The following ASPG variants were observed in gnomAD, a reference collection of about 807,000 sequenced individuals.
ASPG encodes the protein asparaginase, also known as 60 kDa lysophospholipase.
ASPG carries 53 observed loss-of-function variants against 63.2 expected under a neutral mutation model. That is an observed-to-expected ratio of 0.84 (90% CI 0.67 to 1.05). The LOEUF (loss-of-function observed/expected upper bound fraction) is 1.05, where lower values mean the gene tolerates loss of function less well. Ranked by LOEUF, ASPG falls within the 50% of genes least tolerant of loss-of-function variation. The pLI, the probability that ASPG is intolerant of heterozygous loss-of-function variation, is 0.00. For synonymous variants in ASPG, 370 were observed against 355.0 expected (o/e 1.04, Z -0.48); for missense variants, 741 against 794.4 (o/e 0.93, Z 0.81).
At position 104,106,867 on chromosome 14, in the gene ASPG, G is replaced by A. The variant is rs2037152228; in HGVS notation, c.1242G>A (p.Val414=). ...GTGCTGCTGCCCACGCCGGTGACGT[G>A]GAGGCGCTGCAGGCGCTTGTGGAGC... ...LACAAAHAGD[V]EALQALVELG... Residue 414 remains valine, a synonymous_variant, in exon 11 of 16, where the codon GTG becomes GTA. Transcript: ENST00000551177. The A allele has an allele frequency of 3.8e-6, 6 of 1,592,718 alleles. No homozygotes were observed. Among genetic ancestry groups the A allele is most frequent in the Non-Finnish European group, 5.1e-6 (6 of 1,171,950 alleles).
chr14:104,109,928 G>C lies in ASPG; in HGVS notation c.1520+613G>C. Reference sequence around the variant, plus strand: ...TCTGACATCATGTTGTTGTTGGGGAGACTGAGGCGCAGGGAGGCCTTCGGC... The same window carrying C: ...TCTGACATCATGTTGTTGTTGGGGACACTGAGGCGCAGGGAGGCCTTCGGC... On this transcript the variant is annotated intron_variant, in intron 13 of 15. Transcript: ENST00000551177. The surrounding 1 kb of genome is among the most constrained non-coding windows in gnomAD (Gnocchi z 4.8). 3 of 983,754 alleles carry C rather than the reference G, an allele frequency of 3.0e-6. No individual in the cohort carries two copies. Among genetic ancestry groups the C allele is most frequent in the Non-Finnish European group, 3.6e-6 (3 of 828,494 alleles). 60.9% of individuals were successfully genotyped at this position (983,754 alleles called of 1,614,324 possible). A position where few individuals can be genotyped will look rare whatever the true frequency, so the allele number is the denominator to read the frequency against.
intron 9 of ASPG, 127 bp downstream of exon 9, chr14:104,104,862 A>T: frequency 1.2e-6 from 1 of 807,122 alleles, no homozygotes. Context: ...CTGTTTGGGA[A>T]GGGGAGGGAT....
At chr14:104,095,847 C>T (rs1161749015) in intron 4 of ASPG, among the ~76,000 whole-genome samples, 191 bp downstream of exon 4, 1 of 152,100 alleles carries the variant, frequency 6.6e-6, no homozygotes, top group Non-Finnish European at 1.5e-5. Context: ...CACCACCTGC[C>T]CCGCAGGAGG....
chr14:104,103,742 C>T (rs779202215), intron 7 of ASPG, 67 bp downstream of exon 7: 65 of 1,383,078 alleles, frequency 4.7e-5, no homozygotes, highest in Non-Finnish European at 6.1e-5. Flanking sequence ...CTCCCACGGC[C>T]CTCAGGCTCC....
intron 6 of ASPG, 37 bp from the exon 7 acceptor site, chr14:104,103,526 G>A: frequency 1.3e-6 from 2 of 1,523,520 alleles, no homozygotes; most frequent in Non-Finnish European, 8.9e-7. Context: ...CTGGCAGGAG[G>A]CCTGAAGGCA....
At chr14:104,098,166 G>A (rs1035707090) in intron 5 of ASPG, among the ~76,000 whole-genome samples, 2 of 145,494 alleles carry the variant, frequency 1.4e-5, no homozygotes, top group African/African-American at 2.5e-5. Flanking sequence ...TTAGAGATAC[G>A]TATGGAGGTT....
In ASPG at chr14:104,110,031, C is replaced by T. The variant is rs1199046685; in HGVS notation, c.1520+716C>T. On this transcript the variant is annotated intron_variant, in intron 13 of 15. Coordinates refer to ENST00000551177, the MANE Select transcript of ASPG (RefSeq NM_001080464.3). The surrounding 1 kb of genome is among the most constrained non-coding windows in gnomAD (Gnocchi z 4.7). ...GTCCGCCACAGCCAGAATCGCTGCC[C>T]CCCACCCCATGCCTTGTGCCTGGTG... The T allele has an allele frequency of 2.0e-6, 2 of 985,270 alleles. No homozygotes were observed. Among genetic ancestry groups the T allele is most frequent in the African/African-American group, 3.5e-5 (2 of 57,226 alleles). 61.0% of individuals were successfully genotyped at this position (985,270 alleles called of 1,614,324 possible).
intron 14 of ASPG, 103 bp from the exon 15 acceptor site, chr14:104,111,817 G>C: frequency 1.7e-6 from 2 of 1,190,016 alleles, no homozygotes; most frequent in South Asian, 2.9e-5. Context: ...GGCCCTGTGT[G>C]TGTGGGCTGG....
At chr14:104,098,033 T>A (rs2052159026) in intron 5 of ASPG, among the ~76,000 whole-genome samples, 4 of 88,754 alleles carry the variant, frequency 4.5e-5, no homozygotes, top group African/African-American at 1.6e-4. Context: ...GCGTTAGAGA[T>A]GCGTATGGAG....
chr14:104,093,673 TGGTGTGTGGGTGGGGCTGTGGAGA>T (rs2036459877), intron 3 of ASPG, 71 bp downstream of exon 3: 3 of 871,282 alleles, frequency 3.4e-6, no homozygotes, highest in Admixed American at 3.0e-5. Flanking sequence ...GGTGGGGCTG[TGGTGTGTGGGTGGGGCTGTGGAGA>T]GTGGGCAGGG....
chr14:104,110,976 C>A lies in ASPG; in HGVS notation c.1521-526C>A. ...CAGTCTGCCGGGGTCCAGGGCCAAC[C>A]GTTATCCTGGGTTGCCTCCTGTGTC... On this transcript the variant is annotated intron_variant, in intron 13 of 15. Coordinates refer to ENST00000551177, the MANE Select transcript of ASPG (RefSeq NM_001080464.3). This position sits in a 1 kb window ranked among gnomAD's most constrained non-coding sequence, Gnocchi z 4.7. 2.0e-6 allele frequency: 2 copies of A among 985,400 alleles called. No individual in the cohort carries two copies. Among genetic ancestry groups the A allele is most frequent in the South Asian group, 9.4e-5 (2 of 21,278 alleles). 61.0% of individuals were successfully genotyped at this position (985,400 alleles called of 1,614,324 possible). A position where few individuals can be genotyped will look rare whatever the true frequency, so the allele number is the denominator to read the frequency against.
chr14:104,097,559 C>A lies in ASPG; in HGVS notation c.435C>A (p.Pro145=). 1 of 1,553,388 alleles carries A rather than the reference C, an allele frequency of 6.4e-7. No homozygotes were observed. The highest frequency in any genetic ancestry group is 8.7e-7 in the Non-Finnish European group (1 of 1,148,750). Residue 145 remains proline, a synonymous_variant, in exon 5 of 16, where the codon CCC becomes CCA. Transcript: ENST00000551177. ...KTVILTGAQV[P]IHALWSDGRE... ...CTCCGTGGCCTCTCCCCCAGGTGCC[C>A]ATCCATGCCCTGTGGAGCGACGGCC...
At chr14:104,093,778 CGGGGCTGTGGAGTGTGGGT>C (rs1169896970) in intron 3 of ASPG, among the ~76,000 whole-genome samples, 176 bp downstream of exon 3, 3 of 19,188 alleles carry the variant, frequency 1.6e-4, no homozygotes, top group East Asian at 1.2e-3. Context: ...GGAGTGTGGG[CGGGGCTGTGGAGTGTGGGT>C]GGGGCTGTGG....
At chr14:104,090,858 T>A (rs2036345454) in intron 1 of ASPG, among the ~76,000 whole-genome samples, 1 of 152,176 alleles carries the variant, frequency 6.6e-6, no homozygotes, top group South Asian at 2.1e-4. Context: ...GACATCTTTT[T>A]AATTTTTATG....
At position 104,085,727 on chromosome 14, in the gene ASPG, C is replaced by A; in HGVS notation, c.-44C>A. ...TCCCTGAGTCCCGCAGGCCCTGCGT[C>A]CCCGCTGCACACCCCCGTCCACTCC... On this transcript the variant is annotated 5_prime_UTR_variant, in exon 1 of 16. Transcript: ENST00000551177. 6.7e-7 allele frequency: 1 copy of A among 1,491,840 alleles called. No individual in the cohort carries two copies. The highest frequency in any genetic ancestry group is 1.3e-5 in the South Asian group (1 of 78,076). The allele number at this position is 1,491,840 out of a possible 1,614,324, so 92.4% of individuals were successfully genotyped here. A position where few individuals can be genotyped will look rare whatever the true frequency, so the allele number is the denominator to read the frequency against.
rs757088656 is a variant in ASPG at position 104,095,575 on chromosome 14, C to T, written c.348C>T (p.Thr116=). ...ACGGCTTTGTGGTCATCCACGGCAC[C>T]GACACCATGGCCTTTGCTGCCTCGA... ...QYHGFVVIHG[T]DTMAFAASML... is the part of the protein sequence containing the mutation. Residue 116 remains threonine (T), a synonymous_variant, in exon 4 of 16, where the codon ACC becomes ACT. Transcript: ENST00000551177. The T allele has an allele frequency of 2.4e-5, 38 of 1,613,142 alleles. No individual in the cohort carries two copies. Among genetic ancestry groups the T allele is most frequent in the South Asian group, 1.2e-4 (11 of 91,092 alleles).
intron 1 of ASPG, among the ~76,000 whole-genome samples, chr14:104,092,363 T>C (rs2036393957): frequency 6.6e-6 from 1 of 152,060 alleles, no homozygotes; most frequent in African/African-American, 2.4e-5. Context: ...GTGGAGCAGC[T>C]AGAGACCTGG....
intron 4 of ASPG, among the ~76,000 whole-genome samples, chr14:104,096,016 G>A (rs1005384025): frequency 3.1e-4 from 47 of 152,180 alleles, no homozygotes; most frequent in African/African-American, 8.2e-4. Flanking sequence ...CAGGGTGGCC[G>A]CGCACAGAGC....
In ASPG at chr14:104,111,538, G is replaced by A. The variant is rs1288497504; in HGVS notation, c.1557G>A (p.Val519=). ...AYRADLEGLQ[V]WWQAGADLGQ... is the part of the protein sequence containing the mutation. ...GGGCCGACCTCGAAGGCCTGCAGGTGTGGTGGCAGGCAGGGGCTGACCTGG... is the reference window on the plus strand; with the variant it reads ...GGGCCGACCTCGAAGGCCTGCAGGTATGGTGGCAGGCAGGGGCTGACCTGG... The change falls in exon 14 of 16, where the codon GTG becomes GTA. Residue 519 remains valine, a synonymous_variant. Transcript: ENST00000551177. The A allele has an allele frequency of 3.9e-6, 6 of 1,551,842 alleles. No homozygotes were observed. The highest frequency in any genetic ancestry group is 2.4e-5 in the East Asian group (1 of 41,060).
Sources: allele counts gnomAD v4.1 joint callset (sites outside exome capture counted in the v4.1 genomes callset), GRCh38; gene constraint gnomAD v4.1.1; non-coding constraint Gnocchi (gnomAD v3.1); transcripts MANE v1.5; gene names NCBI Gene and HGNC (gene_info 2026-07-23, HGNC 2026-07-21).